The following RIT2 variants were observed in gnomAD, a reference collection of about 807,000 sequenced individuals.
RIT2 encodes Ras like without CAAX 2.
In RIT2, 24 loss-of-function variants were observed where a neutral mutation model predicts 23.7. That is an observed-to-expected ratio of 1.01 (90% CI 0.73 to 1.43). The LOEUF (loss-of-function observed/expected upper bound fraction) is 1.43, where lower values mean the gene tolerates loss of function less well. Ranked by LOEUF, RIT2 falls within the 40% of genes most tolerant of loss-of-function variation. The probability of loss-of-function intolerance (pLI) is 0.00; values close to 1 mark genes in which losing one functional copy is unlikely to be tolerated. For missense variants in RIT2, 236 were observed against 266.9 expected (o/e 0.88, Z 0.81); for synonymous variants, 107 against 91.1 (o/e 1.17, Z -0.99).
chr18:42,925,914 A>G (rs1410914197), intron 3 of RIT2, among the ~76,000 whole-genome samples: 1 of 151,738 alleles, frequency 6.6e-6, no homozygotes, highest in Non-Finnish European at 1.5e-5. Flanking sequence ...ATTCTTTTTT[A>G]TAGAGACATC....
At chr18:43,019,299 C>A (rs867988722) in intron 2 of RIT2, among the ~76,000 whole-genome samples, 4 of 151,814 alleles carry the variant, frequency 2.6e-5, no homozygotes, top group South Asian at 2.1e-4. Flanking sequence ...AAAATACTAG[C>A]AAATTAAATC....
At chr18:43,065,000 A>T (rs1462632321) in intron 1 of RIT2, among the ~76,000 whole-genome samples, 1 of 151,652 alleles carries the variant, frequency 6.6e-6, no homozygotes, top group African/African-American at 2.4e-5. Context: ...TATTTTTTTT[A>T]GTAGAGACAG....
intron 4 of RIT2, among the ~76,000 whole-genome samples, chr18:42,818,790 A>G (rs1906067032): frequency 1.3e-5 from 2 of 152,092 alleles, no homozygotes; most frequent in Non-Finnish European, 2.9e-5. Context: ...ATTTCAGAAC[A>G]ATGTGGTAGA....
At chr18:42,983,542 C>G (rs919616302) in intron 2 of RIT2, among the ~76,000 whole-genome samples, 8 of 152,018 alleles carry the variant, frequency 5.3e-5, no homozygotes, top group African/African-American at 1.4e-4. Flanking sequence ...CTATGAAAGA[C>G]TCCATTAACA....
intron 4 of RIT2, among the ~76,000 whole-genome samples, chr18:42,850,218 C>T (rs773219604): frequency 6.6e-6 from 1 of 151,928 alleles, no homozygotes; most frequent in Non-Finnish European, 1.5e-5. Context: ...TTGGAATGCT[C>T]CGCTCTTTAC....
Position 42,974,069 on chromosome 18 carries a change from C to G in RIT2, c.234+5G>C. 6.2e-7 allele frequency: 1 copy of G among 1,605,928 alleles called. No individual in the cohort carries two copies. Among genetic ancestry groups the G allele is most frequent in the Non-Finnish European group, 8.5e-7 (1 of 1,173,988 alleles). Reference sequence around the variant, plus strand: ...AGATTGGAGAGGTTTAAGAACATCACCTACCTGGCCAGCAGTGTCCAAGAT... The same window carrying G: ...AGATTGGAGAGGTTTAAGAACATCAGCTACCTGGCCAGCAGTGTCCAAGAT... On this transcript the variant is annotated splice_donor_5th_base_variant and intron_variant, in intron 3 of 4. Transcript: ENST00000326695.
At chr18:42,746,778 A>T (rs908114061) in intron 4 of RIT2, among the ~76,000 whole-genome samples, 3 of 152,080 alleles carry the variant, frequency 2.0e-5, no homozygotes, top group African/African-American at 7.2e-5. Context: ...AGGACATAAC[A>T]AAAACAGAAT....
At chr18:42,912,108 T>TCCAG (rs1171568484) in intron 4 of RIT2, among the ~76,000 whole-genome samples, 1 of 151,748 alleles carries the variant, frequency 6.6e-6, no homozygotes, top group East Asian at 1.9e-4. Flanking sequence ...TGTGATTTAT[T>TCCAG]CCAGGTATGT....
intron 3 of RIT2, among the ~76,000 whole-genome samples, chr18:42,933,506 T>C (rs1909377591): frequency 6.6e-6 from 1 of 152,150 alleles, no homozygotes; most frequent in South Asian, 2.1e-4. Flanking sequence ...AATTGAATCG[T>C]GGAGGCGGTT....
chr18:42,800,360 T>C (rs571600065), intron 4 of RIT2, among the ~76,000 whole-genome samples: 29 of 152,294 alleles, frequency 1.9e-4, no homozygotes, highest in South Asian at 1.7e-3. Context: ...TTAGCTGCCC[T>C]CCTCTAGATC....
At chr18:42,973,520 C>T (rs866313187) in intron 3 of RIT2, among the ~76,000 whole-genome samples, 5 of 151,966 alleles carry the variant, frequency 3.3e-5, no homozygotes, top group Middle Eastern at 3.4e-3. Flanking sequence ...TTCCTCACAA[C>T]TTACTTATAA....
At chr18:42,780,977 G>T (rs912591452) in intron 4 of RIT2, among the ~76,000 whole-genome samples, 2 of 152,068 alleles carry the variant, frequency 1.3e-5, no homozygotes, top group African/African-American at 4.8e-5. Context: ...GAGGCAAAAA[G>T]AAAGTAAATA....
intron 3 of RIT2, among the ~76,000 whole-genome samples, chr18:42,926,199 A>G (rs190930764): frequency 6.6e-6 from 1 of 151,998 alleles, no homozygotes; most frequent in East Asian, 1.9e-4. Context: ...ACTTTTTCCA[A>G]CATTATATAA....
At chr18:43,076,135 T>A (rs1913008060) in intron 1 of RIT2, among the ~76,000 whole-genome samples, 1 of 152,202 alleles carries the variant, frequency 6.6e-6, no homozygotes, top group African/African-American at 2.4e-5. Flanking sequence ...ACTGTGGTAC[T>A]TACAGCTTCA....
rs562366740 is a variant in RIT2 at position 43,035,617 on chromosome 18, T to C, written c.104-1750A>G. Among the ~76,000 whole-genome samples, 5 of 152,288 alleles carry C rather than the reference T, an allele frequency of 3.3e-5. No homozygotes were observed. The South Asian group carries it at 8.3e-4, about 25-fold the overall frequency. ...TAGAGAGCATCCCTTACCCTTGATA[T>C]CTGATCATTCTCAATACCTGATCAA... On this transcript the variant is annotated intron_variant, in intron 1 of 4. Transcript: ENST00000326695.
intron 2 of RIT2, among the ~76,000 whole-genome samples, chr18:42,983,811 T>C (rs1477718555): frequency 6.6e-6 from 1 of 152,046 alleles, no homozygotes; most frequent in African/African-American, 2.4e-5. Flanking sequence ...ATAAGATATC[T>C]CTACATACCT....
intron 3 of RIT2, among the ~76,000 whole-genome samples, chr18:42,934,448 T>C (rs1909404189): frequency 6.6e-6 from 1 of 152,152 alleles, no homozygotes. Context: ...AATATGGGGA[T>C]AATGGAGAAT....
At chr18:42,995,985 A>G (rs923344480) in intron 2 of RIT2, among the ~76,000 whole-genome samples, 11 of 152,044 alleles carry the variant, frequency 7.2e-5, no homozygotes, top group African/African-American at 2.7e-4. Context: ...GCCACTCTTA[A>G]CTCTTAAAGT....
chr18:43,101,431 A>G (rs1293371018), intron 1 of RIT2, among the ~76,000 whole-genome samples: 1 of 152,222 alleles, frequency 6.6e-6, no homozygotes, highest in East Asian at 1.9e-4. Context: ...TAAAAATTTA[A>G]TTTAATACAA....
Sources: gnomAD v4.1 joint callset for allele counts (sites outside exome capture counted in the v4.1 genomes callset) on GRCh38, gnomAD v4.1.1 for gene constraint, MANE v1.5 for transcripts, NCBI Gene and HGNC (gene_info 2026-07-23, HGNC 2026-07-21) for gene names.